HMCES: variants seen among roughly 807,000 people sequenced by gnomAD.
HMCES encodes 5-hydroxymethylcytosine binding, ES cell specific, also known as abasic site processing protein HMCES.
In HMCES, 27 loss-of-function variants were observed where a neutral mutation model predicts 35.1. That is an observed-to-expected ratio of 0.77 (90% CI 0.57 to 1.06). The LOEUF is 1.06. Ranked by LOEUF, HMCES falls within the 50% of genes least tolerant of loss-of-function variation. The pLI is 0.00. For synonymous variants in HMCES, 130 were observed against 154.7 expected (o/e 0.84, Z 1.18); for missense variants, 391 against 430.4 (o/e 0.91, Z 0.81).
At chr3:129,295,091 A>C (rs62266898) in intron 4 of HMCES, among the ~76,000 whole-genome samples, 4 of 150,780 alleles carry the variant, frequency 2.7e-5, no homozygotes, top group Non-Finnish European at 4.4e-5. Flanking sequence ...CCCAGGAGGC[A>C]GAGCTTGCAG....
rs116232537 is a variant in HMCES, at chr3:129,298,404, G to T, written c.504G>T (p.Trp168Cys). The change falls in exon 5 of 7, where the codon TGG becomes TGT. Residue 168 changes from tryptophan to cysteine, a missense_variant. By Grantham distance (215) the Trp-to-Cys change is radical. Transcript: ENST00000383463. ...ADSPENWEKV[W>C]DNWRLLTMAG... is the part of the protein sequence containing the mutation. ...GTCCTGAGAACTGGGAGAAAGTCTG[G>T]GACAACTGGAGGCTGCTGACAATGG... The T allele has an allele frequency of 4.3e-6, 7 of 1,614,156 alleles. No homozygotes were observed. In the African/African-American group the frequency reaches 8.0e-5, roughly 18 times the overall value.
intron 4 of HMCES, among the ~76,000 whole-genome samples, chr3:129,291,113 G>A (rs954272494): frequency 6.6e-6 from 1 of 151,944 alleles, no homozygotes; most frequent in African/African-American, 2.4e-5. Context: ...GAGGTGGGAG[G>A]ATCACTTGAA....
chr3:129,294,218 A>G (rs2071063809), intron 4 of HMCES, among the ~76,000 whole-genome samples: 1 of 152,076 alleles, frequency 6.6e-6, no homozygotes, highest in Admixed American at 6.6e-5. Context: ...GGAGATCAAG[A>G]CCATCGTGGC....
intron 5 of HMCES, among the ~76,000 whole-genome samples, chr3:129,301,202 A>AAC (rs2071163521): frequency 7.9e-6 from 1 of 126,710 alleles, no homozygotes; most frequent in African/African-American, 4.8e-5. Context: ...AAAAAAAAAA[A>AAC]AAAAGAAGAA....
At chr3:129,282,681 A>G (rs1940530833) in intron 2 of HMCES, among the ~76,000 whole-genome samples, 1 of 152,246 alleles carries the variant, frequency 6.6e-6, no homozygotes, top group Non-Finnish European at 1.5e-5. Context: ...ATAAAGCAAA[A>G]TTAGAACCAT....
At chr3:129,283,159 G>A (rs1940544248) in intron 2 of HMCES, among the ~76,000 whole-genome samples, 1 of 152,140 alleles carries the variant, frequency 6.6e-6, no homozygotes, top group African/African-American at 2.4e-5. Flanking sequence ...GATACTGCCA[G>A]AAGTCTCTGG....
intron 4 of HMCES, among the ~76,000 whole-genome samples, 193 bp downstream of exon 4, chr3:129,290,997 G>A (rs2071008122): frequency 6.6e-6 from 1 of 152,122 alleles, no homozygotes; most frequent in Non-Finnish European, 1.5e-5. Context: ...GAGCCTAGGA[G>A]TTTGAGACCA....
At chr3:129,300,839 G>C (rs1014445175) in intron 5 of HMCES, among the ~76,000 whole-genome samples, 2 of 152,086 alleles carry the variant, frequency 1.3e-5, no homozygotes, top group Non-Finnish European at 2.9e-5. Context: ...GACCATCCTG[G>C]CTAACACGGT....
chr3:129,288,848 T>C lies in HMCES; in HGVS notation c.184-6T>C, dbSNP rs745864221. 1 of 1,505,000 alleles carries C rather than the reference T, an allele frequency of 6.6e-7. No individual in the cohort carries two copies. Among genetic ancestry groups the C allele is most frequent in the Non-Finnish European group, 9.0e-7 (1 of 1,107,060 alleles). 93.2% of individuals were successfully genotyped at this position (1,505,000 alleles called of 1,614,324 possible). On this transcript the variant is annotated splice_polypyrimidine_tract_variant and splice_region_variant and intron_variant, in intron 2 of 6. Coordinates refer to ENST00000383463, the MANE Select transcript of HMCES (RefSeq NM_020187.3). ...ATCTCCTCACTAGATCTTCTCTCCG[T>C]GGCAGGATGCAGACTCATCTGAGCG... is the stretch of plus-strand genomic sequence containing the variant.
In HMCES at chr3:129,301,360, T is replaced by C. The variant is rs1018724182; in HGVS notation, c.636-590T>C. ...GTATTTAACATTATTTTATATGTTA[T>C]GTATATATTTAGGAGACAAATGAAC... On this transcript the variant is annotated intron_variant, in intron 5 of 6. Coordinates refer to ENST00000383463, the MANE Select transcript of HMCES (RefSeq NM_020187.3). Among the ~76,000 whole-genome samples the C allele has an allele frequency of 2.0e-5, 3 of 152,184 alleles. No individual in the cohort carries two copies. The East Asian group carries it at 5.8e-4, about 29-fold the overall frequency.
intron 4 of HMCES, among the ~76,000 whole-genome samples, chr3:129,295,616 T>C (rs2071082811): frequency 6.6e-6 from 1 of 152,184 alleles, no homozygotes; most frequent in African/African-American, 2.4e-5. Context: ...TCTGGGTCAG[T>C]GGTGTTTTGT....
intron 4 of HMCES, among the ~76,000 whole-genome samples, chr3:129,298,023 A>C (rs988452974): frequency 6.6e-6 from 1 of 152,218 alleles, no homozygotes; most frequent in Non-Finnish European, 1.5e-5. Context: ...ACACAGGAGC[A>C]TGAAATTGCA....
intron 6 of HMCES, among the ~76,000 whole-genome samples, chr3:129,303,945 A>G (rs775117899): frequency 1.3e-5 from 2 of 151,414 alleles, no homozygotes; most frequent in Non-Finnish European, 2.9e-5. Context: ...GGGTCTTCCT[A>G]TGTTTCCTAG....
Position 129,279,608 on chromosome 3 carries a change from G to A in HMCES, c.-23-102G>A. 1.7e-6 allele frequency: 2 copies of A among 1,163,736 alleles called. No individual in the cohort carries two copies. The highest frequency in any genetic ancestry group is 2.4e-6 in the Non-Finnish European group (2 of 822,394). 72.1% of individuals were successfully genotyped at this position (1,163,736 alleles called of 1,614,324 possible). ...AAGACTTTAGACGGTGGTCACGGAG[G>A]GGCACGGCCCTGTGGGAACGGAAAG... On this transcript the variant is annotated intron_variant, in intron 1 of 6. Transcript: ENST00000383463. This position sits in a 1 kb window ranked among gnomAD's most constrained non-coding sequence, Gnocchi z 4.2.
At chr3:129,295,132 C>T (rs1356016766) in intron 4 of HMCES, among the ~76,000 whole-genome samples, 1 of 143,882 alleles carries the variant, frequency 7.0e-6, no homozygotes, top group Non-Finnish European at 1.5e-5. Flanking sequence ...GCACTCCAGC[C>T]TGGGCGACAG....
rs138281794 is a variant in HMCES, at chr3:129,291,285, G to A, written c.453+481G>A. Among the ~76,000 whole-genome samples, 428 of 152,252 alleles carry A rather than the reference G, an allele frequency of 2.8e-3. 1 individual carries two copies. The highest frequency in any genetic ancestry group is 6.7e-3 in the Admixed American group (102 of 15,294). ...CACCTTTTTAAAATGTGCAATTCAG[G>A]AATGTTTTAGTATGTTCAAAGTATG... On this transcript the variant is annotated intron_variant, in intron 4 of 6. Transcript: ENST00000383463.
chr3:129,283,305 C>T (rs1293405148), intron 2 of HMCES, among the ~76,000 whole-genome samples: 5 of 150,602 alleles, frequency 3.3e-5, no homozygotes, highest in Non-Finnish European at 7.4e-5. Context: ...CATTTATGCA[C>T]TGAGCTGGGG....
At chr3:129,281,689 T>C (rs1940489103) in intron 2 of HMCES, among the ~76,000 whole-genome samples, 1 of 150,140 alleles carries the variant, frequency 6.7e-6, no homozygotes, top group African/African-American at 2.5e-5. Flanking sequence ...AGACTCCATC[T>C]CAAAAAGAAA....
intron 6 of HMCES, 40 bp downstream of exon 6, chr3:129,302,182 T>C (rs765542313): frequency 6.6e-7 from 1 of 1,509,582 alleles, no homozygotes; most frequent in Non-Finnish European, 9.0e-7. Flanking sequence ...TTGAGCTTTC[T>C]GTCTTCTGTC....
Sources: allele counts gnomAD v4.1 joint callset (sites outside exome capture counted in the v4.1 genomes callset), GRCh38; gene constraint gnomAD v4.1.1; non-coding constraint Gnocchi (gnomAD v3.1); transcripts MANE v1.5; gene names NCBI Gene and HGNC (gene_info 2026-07-23, HGNC 2026-07-21).